VPS13B: variants seen among roughly 807,000 people sequenced by gnomAD.
VPS13B encodes the protein vacuolar protein sorting 13 homolog B, also known as intermembrane lipid transfer protein VPS13B.
In VPS13B, 285 loss-of-function variants were observed where a neutral mutation model predicts 426.4. The observed-to-expected ratio is 0.67, with a 90% CI of 0.61 to 0.74. The LOEUF (loss-of-function observed/expected upper bound fraction) is 0.74, where lower values mean the gene tolerates loss of function less well. Ranked by LOEUF, VPS13B falls within the 30% of genes least tolerant of loss-of-function variation. The probability of loss-of-function intolerance (pLI) is 0.00; values close to 1 mark genes in which losing one functional copy is unlikely to be tolerated. For missense variants in VPS13B, 4,537 were observed against 4,782.6 expected (o/e 0.95, Z 1.51); for synonymous variants, 1,676 against 1,676.4 (o/e 1.00, Z 0.01).
intron 39 of VPS13B, among the ~76,000 whole-genome samples, chr8:99,728,010 G>A (rs926003816): frequency 1.3e-5 from 2 of 152,200 alleles, no homozygotes; most frequent in African/African-American, 4.8e-5. Context: ...GGCTCCCAGT[G>A]TAGTCTGTCT....
chr8:99,743,891 A>G (rs781593447), intron 39 of VPS13B, among the ~76,000 whole-genome samples: 1 of 152,186 alleles, frequency 6.6e-6, no homozygotes. Context: ...AACCTAGGCA[A>G]TACCATTCAG....
intron 2 of VPS13B, among the ~76,000 whole-genome samples, chr8:99,015,162 T>G (rs1841543990): frequency 6.6e-6 from 1 of 151,970 alleles, no homozygotes; most frequent in African/African-American, 2.4e-5. Flanking sequence ...ATATTTAATA[T>G]TTTCATTTTA....
intron 23 of VPS13B, among the ~76,000 whole-genome samples, chr8:99,445,707 TGTA>T (rs1440691882): frequency 2.0e-5 from 3 of 152,104 alleles, no homozygotes; most frequent in Admixed American, 1.3e-4. Context: ...TATTTAATGA[TGTA>T]GTAAATCAGT....
chr8:99,321,650 G>C (rs908025937), intron 19 of VPS13B, among the ~76,000 whole-genome samples: 8 of 152,064 alleles, frequency 5.3e-5, no homozygotes, highest in African/African-American at 1.9e-4. Flanking sequence ...AAGTACATCA[G>C]AGAAATGATT....
At chr8:99,632,027 TTAGTG>T in intron 33 of VPS13B, among the ~76,000 whole-genome samples, 1 of 152,106 alleles carries the variant, frequency 6.6e-6, no homozygotes, top group East Asian at 1.9e-4. Flanking sequence ...TAATATTATC[TTAGTG>T]TAAGAAAAAG....
At chr8:99,790,077 G>A (rs992161828) in intron 43 of VPS13B, among the ~76,000 whole-genome samples, 7 of 152,130 alleles carry the variant, frequency 4.6e-5, no homozygotes, top group Admixed American at 1.3e-4. Context: ...AGCACCAAGT[G>A]TAATGATATA....
intron 3 of VPS13B, among the ~76,000 whole-genome samples, chr8:99,078,581 G>T (rs1845266048): frequency 6.6e-6 from 1 of 152,054 alleles, no homozygotes; most frequent in Admixed American, 6.6e-5. Flanking sequence ...AGTCCTTGGT[G>T]CCCTGTGTGG....
chr8:99,795,904 T>C (rs1483859389), intron 43 of VPS13B, among the ~76,000 whole-genome samples: 1 of 152,202 alleles, frequency 6.6e-6, no homozygotes, highest in African/African-American at 2.4e-5. Context: ...ATTGTTTTAT[T>C]TGTAATATCC....
At chr8:99,504,915 TTA>T (rs1300441927) in intron 27 of VPS13B, among the ~76,000 whole-genome samples, 1 of 152,228 alleles carries the variant, frequency 6.6e-6, no homozygotes, top group Admixed American at 6.5e-5. Context: ...TGAAAATCTA[TTA>T]GTGTAGCCAC....
chr8:99,726,684 CCTT>C (rs1318885757), intron 39 of VPS13B, among the ~76,000 whole-genome samples: 1 of 151,976 alleles, frequency 6.6e-6, no homozygotes, highest in Non-Finnish European at 1.5e-5. Flanking sequence ...ATTGAAAATG[CCTT>C]TTTTAATCGA....
chr8:99,615,347 GAC>G (rs1332600678), intron 33 of VPS13B, among the ~76,000 whole-genome samples: 1 of 152,134 alleles, frequency 6.6e-6, no homozygotes, highest in Non-Finnish European at 1.5e-5. Flanking sequence ...GGCTTTGAAA[GAC>G]AGCAAATTCT....
At chr8:99,832,263 A>G in intron 51 of VPS13B, 106 bp from the exon 52 acceptor site, 1 of 1,409,082 alleles carries the variant, frequency 7.1e-7, no homozygotes, top group Middle Eastern at 2.7e-4. Flanking sequence ...CTGTCTCAAA[A>G]AAAAAAAAGA....
chr8:99,079,912 C>T (rs7012312), intron 3 of VPS13B, among the ~76,000 whole-genome samples: 110,053 of 149,248 alleles, frequency 0.74, 41,187 homozygotes, highest in South Asian at 0.87. Flanking sequence ...GCAACAAGAG[C>T]GAAACTCCAT....
intron 43 of VPS13B, among the ~76,000 whole-genome samples, chr8:99,800,649 A>G (rs1813075254): frequency 6.6e-6 from 1 of 152,114 alleles, no homozygotes; most frequent in Non-Finnish European, 1.5e-5. Flanking sequence ...CCCATGAAGC[A>G]TCTCATTGTT....
chr8:99,855,815 T>C (rs1185994842), intron 56 of VPS13B, among the ~76,000 whole-genome samples: 2 of 152,248 alleles, frequency 1.3e-5, no homozygotes, highest in African/African-American at 4.8e-5. Flanking sequence ...ACCTGTTGTC[T>C]TGATAGCTTG....
At chr8:99,832,854 T>C (rs1232677646) in intron 52 of VPS13B, among the ~76,000 whole-genome samples, 1 of 152,172 alleles carries the variant, frequency 6.6e-6, no homozygotes, top group East Asian at 1.9e-4. Context: ...TTAAGGGATT[T>C]TTCCCCATAT....
chr8:99,525,114 TAGTA>T (rs1196009057), intron 30 of VPS13B, among the ~76,000 whole-genome samples: 1 of 152,174 alleles, frequency 6.6e-6, no homozygotes, highest in Non-Finnish European at 1.5e-5. Context: ...TCACTGGTAA[TAGTA>T]AGTACACAGA....
intron 39 of VPS13B, among the ~76,000 whole-genome samples, chr8:99,744,722 A>T (rs1302507602): frequency 6.6e-6 from 1 of 152,122 alleles, no homozygotes; most frequent in Non-Finnish European, 1.5e-5. Flanking sequence ...TCTCAAGAAC[A>T]AAAAACCAAA....
chr8:99,024,867 G>T (rs1842059510), intron 2 of VPS13B, among the ~76,000 whole-genome samples: 1 of 152,120 alleles, frequency 6.6e-6, no homozygotes, highest in Non-Finnish European at 1.5e-5. Flanking sequence ...GAATTGCATT[G>T]AATCTGTAGA....
Sources: allele counts gnomAD v4.1 joint callset (sites outside exome capture counted in the v4.1 genomes callset), GRCh38; gene constraint gnomAD v4.1.1; transcripts MANE v1.5; gene names NCBI Gene and HGNC (gene_info 2026-07-23, HGNC 2026-07-21).